STPG2: variants seen among roughly 807,000 people sequenced by gnomAD.
STPG2 encodes sperm-tail PG-rich repeat-containing protein 2.
Under a neutral mutation model 54.2 loss-of-function variants are expected in STPG2, and 56 were observed. The observed-to-expected ratio is 1.03, with a 90% CI of 0.83 to 1.29. The LOEUF (loss-of-function observed/expected upper bound fraction) is 1.29. STPG2 is among the 50% of genes most tolerant of loss of function. The pLI, the probability that STPG2 is intolerant of heterozygous loss-of-function variation, is 0.00. For missense variants in STPG2, 596 were observed against 544.9 expected, an observed-to-expected ratio of 1.09 and a Z score of -0.93; for synonymous variants, 200 against 181.8, an observed-to-expected ratio of 1.10 and a Z score of -0.81.
At chr4:97,503,724 A>T (rs1477284259) in intron 4 of STPG2, among the ~76,000 whole-genome samples, 3 of 150,430 alleles carry the variant, frequency 2.0e-5, no homozygotes, top group African/African-American at 7.3e-5. Flanking sequence ...TGGAAATAAC[A>T]GTGTGTGCAA....
chr4:97,456,982 C>G (rs1409431168), intron 4 of STPG2, among the ~76,000 whole-genome samples: 1 of 148,052 alleles, frequency 6.8e-6, no homozygotes, highest in African/African-American at 2.6e-5. Flanking sequence ...TATATAATGG[C>G]AAATAAGCAT....
At chr4:98,077,047 T>C (rs1318042819) in intron 5 of STPG2, among the ~76,000 whole-genome samples, 1 of 152,166 alleles carries the variant, frequency 6.6e-6, no homozygotes, top group Non-Finnish European at 1.5e-5. Flanking sequence ...TTTCAGATAA[T>C]CCTCAAGATC....
At chr4:97,896,512 A>G (rs1730958359) in intron 8 of STPG2, among the ~76,000 whole-genome samples, 1 of 151,776 alleles carries the variant, frequency 6.6e-6, no homozygotes, top group Non-Finnish European at 1.5e-5. Flanking sequence ...GAAAATTTAA[A>G]AAATTAAACC....
chr4:97,653,761 GA>G (rs1230591308), intron 10 of STPG2, among the ~76,000 whole-genome samples: 1 of 152,176 alleles, frequency 6.6e-6, no homozygotes, highest in African/African-American at 2.4e-5. Context: ...GTGTCCAGAA[GA>G]TGACCCTAAG....
chr4:98,056,258 G>A (rs934429929), intron 5 of STPG2, among the ~76,000 whole-genome samples: 1 of 152,020 alleles, frequency 6.6e-6, no homozygotes, highest in African/African-American at 2.4e-5. Flanking sequence ...GGGGGACAGA[G>A]AAGGCACCCA....
At chr4:97,624,209 C>A (rs976183005) in intron 10 of STPG2, among the ~76,000 whole-genome samples, 2 of 152,170 alleles carry the variant, frequency 1.3e-5, no homozygotes, top group Non-Finnish European at 2.9e-5. Context: ...TTGAAGGAGT[C>A]ACCACACTGT....
At chr4:97,837,073 C>G (rs1191960557) in intron 9 of STPG2, among the ~76,000 whole-genome samples, 4 of 151,470 alleles carry the variant, frequency 2.6e-5, no homozygotes, top group Admixed American at 2.6e-4. Flanking sequence ...AACCATATAA[C>G]ATTTCTAATA....
chr4:97,703,848 T>C (rs1723864991), intron 10 of STPG2, among the ~76,000 whole-genome samples: 1 of 150,198 alleles, frequency 6.7e-6, no homozygotes, highest in Admixed American at 6.8e-5. Flanking sequence ...ATTTATTAAG[T>C]ATTAACTTAC....
intron 10 of STPG2, among the ~76,000 whole-genome samples, chr4:97,683,781 A>T (rs1436068946): frequency 6.6e-6 from 1 of 151,842 alleles, no homozygotes; most frequent in Non-Finnish European, 1.5e-5. Flanking sequence ...AATAAAAAAG[A>T]AAACTAAATA....
intron 9 of STPG2, among the ~76,000 whole-genome samples, chr4:97,772,764 T>C (rs1430554971): frequency 2.6e-5 from 4 of 152,114 alleles, no homozygotes; most frequent in Non-Finnish European, 4.4e-5. Context: ...CAAAATTTAA[T>C]CAAAAAGAAA....
intron 10 of STPG2, among the ~76,000 whole-genome samples, chr4:97,593,429 C>T (rs911030054): frequency 2.0e-5 from 3 of 152,174 alleles, no homozygotes; most frequent in Non-Finnish European, 2.9e-5. Context: ...TCCTGGGTCT[C>T]GCACACCCAA....
intron 8 of STPG2, among the ~76,000 whole-genome samples, chr4:97,886,716 C>G (rs1288260314): frequency 2.0e-5 from 3 of 152,164 alleles, no homozygotes; most frequent in Non-Finnish European, 2.9e-5. Flanking sequence ...TTCATATCAA[C>G]TAATTTGGTT....
At chr4:97,549,664 G>A (rs2148866763) in intron 4 of STPG2, among the ~76,000 whole-genome samples, 1 of 152,224 alleles carries the variant, frequency 6.6e-6, no homozygotes, top group Non-Finnish European at 1.5e-5. Flanking sequence ...CTAACAATAA[G>A]TTCCTTATAA....
chr4:97,944,996 C>A (rs1400649246), intron 7 of STPG2, among the ~76,000 whole-genome samples: 1 of 152,070 alleles, frequency 6.6e-6, no homozygotes, highest in African/African-American at 2.4e-5. Context: ...ACATCTAAGC[C>A]AGCATTATTA....
chr4:97,990,358 A>C (rs1345502021), intron 5 of STPG2, among the ~76,000 whole-genome samples: 1 of 152,176 alleles, frequency 6.6e-6, no homozygotes, highest in African/African-American at 2.4e-5. Context: ...ACAACTGACC[A>C]CTAAAGGGCA....
At chr4:97,465,478 T>G (rs1303869692) in intron 4 of STPG2, among the ~76,000 whole-genome samples, 1 of 152,152 alleles carries the variant, frequency 6.6e-6, no homozygotes, top group East Asian at 1.9e-4. Flanking sequence ...TTCCAGGTTT[T>G]TCCTTCTGTG....
At chr4:97,647,003 T>C (rs773264212) in intron 10 of STPG2, among the ~76,000 whole-genome samples, 4 of 152,174 alleles carry the variant, frequency 2.6e-5, no homozygotes, top group African/African-American at 4.8e-5. Flanking sequence ...CTGACTCTTC[T>C]TTCAGCTTCA....
chr4:97,740,650 T>C (rs1289615313), intron 9 of STPG2, among the ~76,000 whole-genome samples: 2 of 152,042 alleles, frequency 1.3e-5, no homozygotes, highest in Non-Finnish European at 2.9e-5. Context: ...GAATCCAACT[T>C]ACAAGGGATG....
At chr4:97,955,663 T>A (rs1244157068) in intron 7 of STPG2, among the ~76,000 whole-genome samples, 1 of 152,016 alleles carries the variant, frequency 6.6e-6, no homozygotes, top group Non-Finnish European at 1.5e-5. Flanking sequence ...ATAAAGGACA[T>A]AAACCCACAG....
Sources: gnomAD v4.1 joint callset for allele counts (sites outside exome capture counted in the v4.1 genomes callset) on GRCh38, gnomAD v4.1.1 for gene constraint, MANE v1.5 for transcripts, NCBI Gene and HGNC (gene_info 2026-07-23, HGNC 2026-07-21) for gene names.